The following BEST4 variants were observed in gnomAD, a reference collection of about 807,000 sequenced individuals.
The protein encoded by BEST4 is bestrophin 4.
In BEST4, 36 loss-of-function variants were observed where a neutral mutation model predicts 47.1. The observed-to-expected ratio is 0.76, with a 90% CI of 0.59 to 1.01. The LOEUF is 1.01. Ranked by LOEUF, BEST4 falls within the 50% of genes least tolerant of loss-of-function variation. The pLI, the probability that BEST4 is intolerant of heterozygous loss-of-function variation, is 0.00. For synonymous variants in BEST4, 250 were observed against 277.8 expected (o/e 0.90, Z 1.00); for missense variants, 550 against 648.6 (o/e 0.85, Z 1.65).
At chr1:44,785,389 G>T in intron 5 of BEST4, 84 bp from the exon 6 acceptor site, 2 of 1,399,654 alleles carry the variant, frequency 1.4e-6, no homozygotes, top group Non-Finnish European at 1.9e-6. Context: ...TCTATGGGAA[G>T]TCTGACAAGT....
In BEST4 at chr1:44,786,486, G is replaced by A; in HGVS notation, c.458C>T (p.Thr153Ile). The change falls in exon 3 of 9, where the codon ACC becomes ATC. Residue 153 changes from threonine (T) to isoleucine (I), a missense_variant. Physicochemically the swap from Thr to Ile is moderately conservative, Grantham distance 89. This residue lies in a region of BEST4 where 291 missense variants were observed against 342.4 expected (regional missense o/e 0.85). Transcript: ENST00000372207. The surrounding 1 kb of genome is among the most constrained non-coding windows in gnomAD (Gnocchi z 4.9). ...VSTRVLKRFP[T>I]MEHVVDAGFM... Reference sequence around the variant, plus strand: ...ACCTGCGTCCACCACGTGCTCCATGGTGGGGAAGCGCTTAAGCACGCGGGT... The same window carrying A: ...ACCTGCGTCCACCACGTGCTCCATGATGGGGAAGCGCTTAAGCACGCGGGT... 7.2e-6 allele frequency: 11 copies of A among 1,537,682 alleles called. No homozygotes were observed. The highest frequency in any genetic ancestry group is 9.6e-6 in the Non-Finnish European group (11 of 1,141,122).
At chr1:44,785,805 G>T in intron 4 of BEST4, 129 bp from the exon 5 acceptor site, 3 of 868,512 alleles carry the variant, frequency 3.5e-6, no homozygotes, top group East Asian at 2.7e-5. Flanking sequence ...TTAAGATGGG[G>T]TGCTTGAATC....
At chr1:44,782,870 C>T (rs1474789376), downstream of BEST4, among the ~76,000 whole-genome samples, 1 of 151,810 alleles carries the variant, frequency 6.6e-6, no homozygotes, top group Non-Finnish European at 1.5e-5. Flanking sequence ...TAGGTGAAGA[C>T]TGGGATTTAA....
chr1:44,785,578 C>T (rs370549983), intron 5 of BEST4, 21 bp downstream of exon 5: 228 of 1,538,574 alleles, frequency 1.5e-4, no homozygotes, highest in Non-Finnish European at 2.0e-4. Context: ...CACTGGGACT[C>T]GGGAGGGGAG....
In BEST4 at chr1:44,787,803, C is replaced by G. The variant is rs1651302870; in HGVS notation, c.-98G>C. On this transcript the variant is annotated 5_prime_UTR_variant, in exon 1 of 9. Transcript: ENST00000372207. ...CCCTTCCACTCTGGTCTCACACACCCCAGCCTTCACCCTGCGTCAGTGGAC... is the reference window on the plus strand; with the variant it reads ...CCCTTCCACTCTGGTCTCACACACCGCAGCCTTCACCCTGCGTCAGTGGAC... The G allele has an allele frequency of 1.4e-6, 2 of 1,421,020 alleles. No homozygotes were observed. The highest frequency in any genetic ancestry group is 2.8e-5 in the African/African-American group (2 of 70,592). The allele number at this position is 1,421,020 out of a possible 1,614,324, so 88.0% of individuals were successfully genotyped here. A position where few individuals can be genotyped will look rare whatever the true frequency, so the allele number is the denominator to read the frequency against.
chr1:44,785,513 C>A, intron 5 of BEST4, 86 bp downstream of exon 5: 2 of 1,361,750 alleles, frequency 1.5e-6, no homozygotes, highest in South Asian at 2.7e-5. Flanking sequence ...AATGGCCAGG[C>A]AAGTACCATC....
downstream of BEST4, among the ~76,000 whole-genome samples, chr1:44,782,667 A>AATAAATAAAT (rs1651077679): frequency 6.9e-6 from 1 of 144,562 alleles, no homozygotes; most frequent in South Asian, 2.1e-4. Flanking sequence ...TAAATAAATA[A>AATAAATAAAT]ATAAGAAATA....
rs1262476903 is a variant in BEST4, at chr1:44,783,875, G to A, written c.*335C>T. On this transcript the variant is annotated 3_prime_UTR_variant, in exon 9 of 9. Coordinates refer to ENST00000372207, the MANE Select transcript of BEST4 (RefSeq NM_153274.3). ...CTCTTTTGACAAGACCTTCCGTGAT[G>A]CTGATCCTTCCTTAAGTTTGAGAAC... 1 of 236,310 alleles carries A rather than the reference G, an allele frequency of 4.2e-6. No homozygotes were observed. Among genetic ancestry groups the A allele is most frequent in the Non-Finnish European group, 8.1e-6 (1 of 123,406 alleles). The allele number at this position is 236,310 out of a possible 1,614,324, so 14.6% of individuals were successfully genotyped here. A position where few individuals can be genotyped will look rare whatever the true frequency, so the allele number is the denominator to read the frequency against.
At chr1:44,787,506 G>T (rs1021538486) in intron 1 of BEST4, 40 bp from the exon 2 acceptor site, 10 of 1,614,094 alleles carry the variant, frequency 6.2e-6, no homozygotes, top group Non-Finnish European at 8.5e-6. Flanking sequence ...GAGGGAGGTG[G>T]GTGGCCCAGT....
chr1:44,786,333 G>C lies in BEST4; in HGVS notation c.482-105C>G. Reference sequence around the variant, plus strand: ...CCCTCGCGTCCACCGGCTGTCCCAGGACTCGCGGTTCCGCGTTCCTGTCGC... The same window carrying C: ...CCCTCGCGTCCACCGGCTGTCCCAGCACTCGCGGTTCCGCGTTCCTGTCGC... On this transcript the variant is annotated intron_variant, in intron 3 of 8. Coordinates refer to ENST00000372207, the MANE Select transcript of BEST4 (RefSeq NM_153274.3). This position sits in a 1 kb window ranked among gnomAD's most constrained non-coding sequence, Gnocchi z 4.9. 6.8e-7 allele frequency: 1 copy of C among 1,473,924 alleles called. No homozygotes were observed. Among genetic ancestry groups the C allele is most frequent in the Non-Finnish European group, 9.1e-7 (1 of 1,099,556 alleles). 91.3% of individuals were successfully genotyped at this position (1,473,924 alleles called of 1,614,324 possible). A position where few individuals can be genotyped will look rare whatever the true frequency, so the allele number is the denominator to read the frequency against.
At chr1:44,790,573 C>T (rs757097031), upstream of BEST4, among the ~76,000 whole-genome samples, 41 of 152,050 alleles carry the variant, frequency 2.7e-4, no homozygotes, top group Non-Finnish European at 4.7e-4. Context: ...GGGAGATCTC[C>T]CCTCTAGCCT....
upstream of BEST4, among the ~76,000 whole-genome samples, chr1:44,789,860 C>T (rs1470418331): frequency 6.6e-6 from 1 of 152,064 alleles, no homozygotes; most frequent in Admixed American, 6.6e-5. Context: ...AGCTCCTCCC[C>T]CTACACTGTG....
At position 44,786,659 on chromosome 1, in the gene BEST4, G is replaced by A. The variant is rs1359657280; in HGVS notation, c.285C>T (p.Ser95=). Residue 95 remains serine (S), a synonymous_variant, in exon 3 of 9, where the codon TCC becomes TCT. Transcript: ENST00000372207. This position sits in a 1 kb window ranked among gnomAD's most constrained non-coding sequence, Gnocchi z 4.9. ...YVTLVVNRWW[S]QYTSIPLPDQ... ...CTGGCAGCGGGATGCTTGTGTACTG[G>A]GACCACCAGCGGTTCACCACGAGAG... 6.4e-7 allele frequency: 1 copy of A among 1,551,388 alleles called. No homozygotes were observed. Among genetic ancestry groups the A allele is most frequent in the African/African-American group, 1.4e-5 (1 of 73,034 alleles).
rs369252209 is a variant in BEST4, at chr1:44,784,886, G to A, written c.993+19C>T. The A allele has an allele frequency of 8.1e-5, 130 of 1,613,822 alleles. No homozygotes were observed. The highest frequency in any genetic ancestry group is 1.0e-4 in the Non-Finnish European group (122 of 1,179,848). ...GGCCCAGGAGCTGCCCTGGACTCCT[G>A]ATCCTGATGCTTGCTCACCTGCAAG... On this transcript the variant is annotated intron_variant, in intron 7 of 8. Coordinates refer to ENST00000372207, the MANE Select transcript of BEST4 (RefSeq NM_153274.3). The surrounding 1 kb of genome is among the most constrained non-coding windows in gnomAD (Gnocchi z 6.2).
chr1:44,787,558 A>G lies in BEST4; in HGVS notation c.148T>C (p.Tyr50His), dbSNP rs540517521. The G allele has an allele frequency of 6.2e-7, 1 of 1,614,150 alleles. No homozygotes were observed. Among genetic ancestry groups the G allele is most frequent in the African/African-American group, 1.3e-5 (1 of 75,054 alleles). Residue 50 changes from tyrosine (Y) to histidine (H), a missense_variant, in exon 1 of 9, where the codon TAC becomes CAC. This residue lies in a region of BEST4 where 291 missense variants were observed against 342.4 expected (regional missense o/e 0.85). Coordinates refer to ENST00000372207, the MANE Select transcript of BEST4 (RefSeq NM_153274.3). The part of the protein sequence containing the change: ...GALYAVLSIT[Y>H]RLLLTQEQRY... ...GCTCTAAGACCCTGCCCTTACCGGT[A>G]GGTGATGCTAAGCACAGCGTACAAG...
In BEST4 at chr1:44,786,708, C is replaced by G; in HGVS notation, c.248-12G>C. ...AGTCACATAGAAACCTGCTTGGCCG[C>G]CGTGATAGAGGGAGTAGGAAGGGAG... On this transcript the variant is annotated splice_polypyrimidine_tract_variant and intron_variant, in intron 2 of 8. Transcript: ENST00000372207. This position sits in a 1 kb window ranked among gnomAD's most constrained non-coding sequence, Gnocchi z 4.9. 1 of 1,542,422 alleles carries G rather than the reference C, an allele frequency of 6.5e-7. No homozygotes were observed. The highest frequency in any genetic ancestry group is 8.8e-7 in the Non-Finnish European group (1 of 1,140,018).
chr1:44,784,109 C>T lies in BEST4; in HGVS notation c.*101G>A. On this transcript the variant is annotated 3_prime_UTR_variant, in exon 9 of 9. Coordinates refer to ENST00000372207, the MANE Select transcript of BEST4 (RefSeq NM_153274.3). This position sits in a 1 kb window ranked among gnomAD's most constrained non-coding sequence, Gnocchi z 6.2. ...TCCCTAAATGCTCTGGCCTTCAAGG[C>T]ACACAGGAAAAGCTGCTCTAATAGA... The T allele has an allele frequency of 1.7e-6, 2 of 1,155,936 alleles. No individual in the cohort carries two copies. The highest frequency in any genetic ancestry group is 4.3e-5 in the South Asian group (2 of 46,540). 71.6% of individuals were successfully genotyped at this position (1,155,936 alleles called of 1,614,324 possible). A position where few individuals can be genotyped will look rare whatever the true frequency, so the allele number is the denominator to read the frequency against.
Position 44,787,378 on chromosome 1 carries a change from C to T in BEST4, c.241G>A (p.Val81Ile). The change falls in exon 2 of 9, where the codon GTA becomes ATA. Residue 81 changes from valine to isoleucine, a missense_variant. By Grantham distance (29) the Val-to-Ile change is conservative. Transcript: ENST00000372207. ...RSADLIPLSF[V>I]LGFYVTLVVN... Reference sequence around the variant, plus strand: ...AACTAGAAGGGAGCCTTACCCAATACAAAGGACAAGGGAATGAGGTCTGCT... The same window carrying T: ...AACTAGAAGGGAGCCTTACCCAATATAAAGGACAAGGGAATGAGGTCTGCT... The T allele has an allele frequency of 1.2e-6, 2 of 1,614,064 alleles. No individual in the cohort carries two copies. The highest frequency in any genetic ancestry group is 1.7e-6 in the Non-Finnish European group (2 of 1,179,986).
intron 4 of BEST4, 81 bp downstream of exon 4, chr1:44,785,993 A>C: frequency 1.3e-6 from 2 of 1,502,052 alleles, no homozygotes; most frequent in Non-Finnish European, 1.8e-6. Flanking sequence ...GATGCCATAC[A>C]ACTGTTAGGT....
Sources: gnomAD v4.1 joint callset for allele counts (sites outside exome capture counted in the v4.1 genomes callset) on GRCh38, gnomAD v4.1.1 for gene constraint, gnomAD v4.1.1 regional missense constraint, Gnocchi (gnomAD v3.1) non-coding constraint, MANE v1.5 for transcripts, NCBI Gene and HGNC (gene_info 2026-07-23, HGNC 2026-07-21) for gene names.